Variants in ABCA7 observed in about 807,000 individuals in gnomAD.
The protein encoded by ABCA7 is phospholipid-transporting ATPase ABCA7.
Under a neutral mutation model 227.6 loss-of-function variants are expected in ABCA7, and 261 were observed. The observed-to-expected ratio is 1.15, with a 90% CI of 1.04 to 1.27. ABCA7 has a LOEUF of 1.27. Among genes scored for constraint, ABCA7 ranks in the 50% most tolerant of loss-of-function variants. ABCA7 has a pLI of 0.00. For missense variants in ABCA7, 3,331 were observed against 2,924.5 expected (o/e 1.14, Z -3.21); for synonymous variants, 1,488 against 1,279.7 (o/e 1.16, Z -3.47).
chr19:1,064,959 C>A lies in ABCA7; in HGVS notation c.6073C>A (p.Arg2025=), dbSNP rs756438856. ...RFAAGHTLTL[R]VPAARSQPAA... ...CGCGGCGGGTCACACACTGACCCTG[C>A]GGGTGCCCGCCGCAAGGTCCCAGCC... is the stretch of plus-strand genomic sequence containing the variant. The change falls in exon 46 of 47, where the codon CGG becomes AGG. Residue 2025 remains arginine, a synonymous_variant. Transcript: ENST00000263094. 2 of 1,540,530 alleles carry A rather than the reference C, an allele frequency of 1.3e-6. No homozygotes were observed. The highest frequency in any genetic ancestry group is 2.4e-5 in the South Asian group (2 of 83,692).
Position 1,042,413 on chromosome 19 carries a change from G to A in ABCA7, c.498+16G>A, listed in dbSNP as rs779399216. Reference sequence around the variant, plus strand: ...GCTGCGCACGGTAGGGTGTCGGGGCGGGACCGCGCTGACTTCCTGGGACAC... The same window carrying A: ...GCTGCGCACGGTAGGGTGTCGGGGCAGGACCGCGCTGACTTCCTGGGACAC... On this transcript the variant is annotated intron_variant, in intron 6 of 46. Transcript: ENST00000263094. 2.5e-5 allele frequency: 40 copies of A among 1,610,526 alleles called. No homozygotes were observed. The highest frequency in any genetic ancestry group is 4.0e-5 in the African/African-American group (3 of 74,910).
At chr19:1,048,638 T>C (rs2040999447) in intron 16 of ABCA7, among the ~76,000 whole-genome samples, 1 of 150,232 alleles carries the variant, frequency 6.7e-6, no homozygotes, top group African/African-American at 2.5e-5. Context: ...TGAAACCCCG[T>C]CTCTCCCAAA....
In ABCA7 at chr19:1,055,297, G is replaced by T. The variant is rs776922354; in HGVS notation, c.4151G>T (p.Gly1384Val). 4 of 1,604,224 alleles carry T rather than the reference G, an allele frequency of 2.5e-6. No individual in the cohort carries two copies. The highest frequency in any genetic ancestry group is 3.4e-6 in the Non-Finnish European group (4 of 1,176,872). ...GSGEVVQNLTGRNLSDFLVKT... is the reference protein window; with the variant it reads ...GSGEVVQNLTVRNLSDFLVKT... ...GGGGAAGTGGTTCAGAACCTGACAG[G>T]CCGGAACCTGTCTGACTTCCTGGTC... Residue 1384 changes from glycine (G) to valine (V), a missense_variant, in exon 30 of 47, where the codon GGC (glycine) becomes GTC (valine). Gly to Val is a moderately radical substitution (Grantham distance 109, BLOSUM62 -3). Coordinates refer to ENST00000263094, the MANE Select transcript of ABCA7 (RefSeq NM_019112.4).
Position 1,044,573 on chromosome 19 carries a change from C to T in ABCA7, c.1048-4C>T. 2 of 1,610,556 alleles carry T rather than the reference C, an allele frequency of 1.2e-6. No homozygotes were observed. The highest frequency in any genetic ancestry group is 8.5e-7 in the Non-Finnish European group (1 of 1,178,518). On this transcript the variant is annotated splice_region_variant and splice_polypyrimidine_tract_variant and intron_variant, in intron 10 of 46. Coordinates refer to ENST00000263094, the MANE Select transcript of ABCA7 (RefSeq NM_019112.4). ...AGACTCTCACTTTCACCTGCGCCCC[C>T]CAGCGGCTCCTGCAGATGCAGGATG...
At chr19:1,047,994 G>A (rs1334547330) in intron 16 of ABCA7, among the ~76,000 whole-genome samples, 1 of 152,002 alleles carries the variant, frequency 6.6e-6, no homozygotes, top group African/African-American at 2.4e-5. Context: ...TTTGAGACCA[G>A]GCTGGGCAAT....
In ABCA7 at chr19:1,049,165, C is replaced by T. The variant is rs529820751; in HGVS notation, c.2381-101C>T. On this transcript the variant is annotated intron_variant, in intron 17 of 46. Transcript: ENST00000263094. ...CCAAGCTCCCGCAGCTTTTATAGGC[C>T]CCGGCCCAGCAGGTCCCGGATTCCA... The T allele has an allele frequency of 3.2e-5, 44 of 1,393,864 alleles. No individual in the cohort carries two copies. In the African/African-American group the frequency reaches 5.9e-4, roughly 19 times the overall value. 86.3% of individuals were successfully genotyped at this position (1,393,864 alleles called of 1,614,324 possible). A position where few individuals can be genotyped will look rare whatever the true frequency, so the allele number is the denominator to read the frequency against.
Position 1,064,177 on chromosome 19 carries a change from GCGCTCT to G in ABCA7, c.5969_5974del (p.Ala1990_Cys1992delinsGly). ...TCCCGACAGCATGGAGGAGTGTGAA[GCGCTCT>G]GCTCGCGCCTGGCCATCATGGTGAA... On this transcript the variant is annotated inframe_deletion, in exon 45 of 47. Coordinates refer to ENST00000263094, the MANE Select transcript of ABCA7 (RefSeq NM_019112.4). 6.3e-7 allele frequency: 1 copy of G among 1,575,582 alleles called. No homozygotes were observed. The highest frequency in any genetic ancestry group is 1.2e-5 in the South Asian group (1 of 86,126).
intron 31 of ABCA7, 54 bp downstream of exon 31, chr19:1,055,993 C>T: frequency 6.4e-7 from 1 of 1,559,876 alleles, no homozygotes; most frequent in Non-Finnish European, 8.7e-7. Context: ...CCCATGCCCT[C>T]TGCCTGCCCC....
rs1472704630 is a variant in ABCA7 at position 1,055,176 on chromosome 19, G to A, written c.4030G>A (p.Ala1344Thr). ...CTGGACCCCAGAGTCTCCATCCCCAGCCTGCCAGTGTAGCCGGCCCGGTGC... is the reference window on the plus strand; with the variant it reads ...CTGGACCCCAGAGTCTCCATCCCCAACCTGCCAGTGTAGCCGGCCCGGTGC... Reference protein sequence around the residue: ...GNWTPESPSPACQCSRPGARR... With the variant: ...GNWTPESPSPTCQCSRPGARR... The change falls in exon 30 of 47, where the codon GCC becomes ACC. Residue 1344 changes from alanine (A) to threonine (T), a missense_variant. Transcript: ENST00000263094. The A allele has an allele frequency of 2.5e-6, 4 of 1,612,284 alleles. No individual in the cohort carries two copies.
At chr19:1,055,501 T>A in intron 30 of ABCA7, 150 bp downstream of exon 30, 16 of 222,614 alleles carry the variant, frequency 7.2e-5, no homozygotes, top group South Asian at 1.4e-4. Context: ...CCTTTCCTCT[T>A]TTTTTTTTTT....
At chr19:1,062,406 G>A (rs567839564) in intron 42 of ABCA7, 93 bp downstream of exon 42, 49 of 1,536,636 alleles carry the variant, frequency 3.2e-5, no homozygotes, top group Non-Finnish European at 4.0e-5. Flanking sequence ...GCACTCTCTC[G>A]CCTTGGCTCC....
Position 1,045,146 on chromosome 19 carries a change from A to C in ABCA7, c.1360A>C (p.Thr454Pro). 1 of 1,612,060 alleles carries C rather than the reference A, an allele frequency of 6.2e-7. No individual in the cohort carries two copies. Among genetic ancestry groups the C allele is most frequent in the Non-Finnish European group, 8.5e-7 (1 of 1,179,686 alleles). ...CTCTTCAGACCCCACAGAGCACCCAACCCCAGACCTGGGCCCCGGCCACGT... is the reference window on the plus strand; with the variant it reads ...CTCTTCAGACCCCACAGAGCACCCACCCCCAGACCTGGGCCCCGGCCACGT... Reference protein sequence around the residue: ...EDSSDPTEHPTPDLGPGHVRI... With the variant: ...EDSSDPTEHPPPDLGPGHVRI... The change falls in exon 12 of 47, where the codon ACC becomes CCC. Residue 454 changes from threonine (T) to proline (P), a missense_variant. Physicochemically the swap from Thr to Pro is conservative, Grantham distance 38. Transcript: ENST00000263094.
chr19:1,060,207 A>ATATATATTTTTTTTTTTTTTTT, intron 40 of ABCA7, among the ~76,000 whole-genome samples: 2 of 96,770 alleles, frequency 2.1e-5, no homozygotes, highest in African/African-American at 7.0e-5. Flanking sequence ...ATATATATAT[A>ATATATATTTTTTTTTTTTTTTT]TTTTTTTTTC....
chr19:1,046,150 C>A, intron 12 of ABCA7, 80 bp from the exon 13 acceptor site: 2 of 1,492,050 alleles, frequency 1.3e-6, no homozygotes, highest in South Asian at 1.2e-5. Flanking sequence ...AAGACCCTGT[C>A]TAAGAAAAAG....
rs772965622 is a variant in ABCA7 at position 1,057,109 on chromosome 19, G to A, written c.4764+25G>A. 15 of 1,601,658 alleles carry A rather than the reference G, an allele frequency of 9.4e-6. No individual in the cohort carries two copies. The East Asian group carries it at 3.1e-4, about 33-fold the overall frequency. On this transcript the variant is annotated intron_variant, in intron 34 of 46. Transcript: ENST00000263094. ...GGTGCGGGGGCTGCTTGGACGGGTG[G>A]GGGCCCAGCCACTGCTTGCCACTGC...
intron 12 of ABCA7, chr19:1,045,446 G>T: frequency 1.7e-6 from 1 of 587,438 alleles, no homozygotes; most frequent in Non-Finnish European, 3.0e-6. Context: ...CCATGGGCCT[G>T]AGATAAGATG....
At position 1,063,653 on chromosome 19, in the gene ABCA7, T is replaced by A; in HGVS notation, c.5822T>A (p.Val1941Asp). 1 of 1,609,180 alleles carries A rather than the reference T, an allele frequency of 6.2e-7. No homozygotes were observed. The highest frequency in any genetic ancestry group is 1.7e-5 in the Admixed American group (1 of 59,480). ...AAGCTGGCGACGGCCCTGGCGCTGG[T>A]TGGGGACCCAGCCGTGGTGTTTCTG... The part of the protein sequence containing the change: ...KRKLATALAL[V>D]GDPAVVFLDE... Residue 1941 changes from valine (V) to aspartate (D), a missense_variant, in exon 43 of 47, where the codon GTT becomes GAT. Coordinates refer to ENST00000263094, the MANE Select transcript of ABCA7 (RefSeq NM_019112.4).
chr19:1,047,942 A>G (rs1353582817), intron 16 of ABCA7, among the ~76,000 whole-genome samples: 2 of 152,296 alleles, frequency 1.3e-5, no homozygotes, highest in East Asian at 1.9e-4. Flanking sequence ...TAATCCCAGC[A>G]CTTTGGGAGG....
At chr19:1,060,209 T>TATATATATATATATATATATATA (rs3971800) in intron 40 of ABCA7, among the ~76,000 whole-genome samples, 3 of 33,832 alleles carry the variant, frequency 8.9e-5, no homozygotes, top group African/African-American at 3.8e-4. Flanking sequence ...ATATATATAT[T>TATATATATATATATATATATATA]TTTTTTTCTT....
Sources: gnomAD v4.1 joint callset for allele counts (sites outside exome capture counted in the v4.1 genomes callset) on GRCh38, gnomAD v4.1.1 for gene constraint, MANE v1.5 for transcripts, NCBI Gene and HGNC (gene_info 2026-07-23, HGNC 2026-07-21) for gene names.